LDLRAD4: variants seen among roughly 807,000 people sequenced by gnomAD.
The protein encoded by LDLRAD4 is low-density lipoprotein receptor class A domain-containing protein 4.
A neutral mutation model predicts 17.0 loss-of-function variants in LDLRAD4; 5 were observed. That is an observed-to-expected ratio of 0.29 (90% CI 0.15 to 0.62). LDLRAD4 has a LOEUF of 0.62. Among genes scored for constraint, LDLRAD4 ranks in the 20% least tolerant of loss-of-function variants. LDLRAD4 has a pLI of 0.84. For missense variants in LDLRAD4, 340 were observed against 424.7 expected (o/e 0.80, Z 1.75); for synonymous variants, 168 against 171.8 (o/e 0.98, Z 0.17).
At chr18:13,423,774 T>G (rs2089688308) in intron 2 of LDLRAD4, 1 of 152,538 alleles carries the variant, frequency 6.6e-6, no homozygotes, top group African/African-American at 2.4e-5. Flanking sequence ...TCATTGAAAT[T>G]TTATGATTTC....
At chr18:13,466,265 G>A (rs751411428) in intron 3 of LDLRAD4, among the ~76,000 whole-genome samples, 21 of 152,088 alleles carry the variant, frequency 1.4e-4, no homozygotes, top group Non-Finnish European at 2.4e-4. Flanking sequence ...GAACCCAGGA[G>A]TTCAAGACTA....
chr18:13,403,949 C>T (rs889002176), intron 2 of LDLRAD4, among the ~76,000 whole-genome samples: 3 of 152,092 alleles, frequency 2.0e-5, no homozygotes, highest in Admixed American at 6.5e-5. Flanking sequence ...CGGGGAGGCA[C>T]CCAGCCTGTA....
intron 2 of LDLRAD4, among the ~76,000 whole-genome samples, chr18:13,389,696 G>A (rs1042381508): frequency 1.3e-5 from 2 of 152,178 alleles, no homozygotes; most frequent in Non-Finnish European, 2.9e-5. Context: ...TCACCCTGCT[G>A]CACCTGATGG....
chr18:13,238,845 C>G (rs1018762768), intron 1 of LDLRAD4, among the ~76,000 whole-genome samples: 3 of 152,098 alleles, frequency 2.0e-5, no homozygotes, highest in African/African-American at 7.2e-5. Context: ...CTCAACAGCC[C>G]TAGCCCCTGT....
At chr18:13,333,710 A>T (rs986495486) in intron 1 of LDLRAD4, among the ~76,000 whole-genome samples, 2 of 152,192 alleles carry the variant, frequency 1.3e-5, no homozygotes, top group African/African-American at 4.8e-5. Flanking sequence ...AGATCAATTG[A>T]CTATTTTTAT....
chr18:13,460,864 C>T (rs1346241845), intron 3 of LDLRAD4, among the ~76,000 whole-genome samples: 1 of 152,190 alleles, frequency 6.6e-6, no homozygotes, highest in African/African-American at 2.4e-5. Context: ...TAAAATTGTT[C>T]TCCCCTTTTC....
intron 3 of LDLRAD4, among the ~76,000 whole-genome samples, chr18:13,603,387 G>A (rs79243732): frequency 0.038 from 5,778 of 152,270 alleles, 140 homozygotes; most frequent in Non-Finnish European, 0.06. Context: ...CCTTCTGAAG[G>A]GTGGTCCTCG....
chr18:13,552,506 G>A (rs1159917416), intron 3 of LDLRAD4, among the ~76,000 whole-genome samples: 2 of 152,204 alleles, frequency 1.3e-5, no homozygotes, highest in Admixed American at 1.3e-4. Context: ...TGAGGGTTCA[G>A]CTTCTGCCCA....
intron 1 of LDLRAD4, among the ~76,000 whole-genome samples, chr18:13,338,298 G>T (rs187578462): frequency 6.6e-6 from 1 of 152,228 alleles, no homozygotes; most frequent in East Asian, 1.9e-4. Context: ...TGTTTAAGGG[G>T]TCCTCCAGTA....
intron 1 of LDLRAD4, among the ~76,000 whole-genome samples, chr18:13,294,252 G>A (rs1212646802): frequency 6.6e-6 from 1 of 152,224 alleles, no homozygotes; most frequent in African/African-American, 2.4e-5. Flanking sequence ...TTCTGTCCGC[G>A]ATGAAAGGGC....
At chr18:13,293,371 A>G (rs1485022343) in intron 1 of LDLRAD4, among the ~76,000 whole-genome samples, 2 of 152,144 alleles carry the variant, frequency 1.3e-5, no homozygotes, top group Non-Finnish European at 2.9e-5. Flanking sequence ...GCAGTATTTG[A>G]CTGTGATTAT....
chr18:13,564,550 G>GA (rs2094574574), intron 3 of LDLRAD4, among the ~76,000 whole-genome samples: 1 of 107,178 alleles, frequency 9.3e-6, no homozygotes, highest in African/African-American at 3.7e-5. Flanking sequence ...TTTGAGAATG[G>GA]AAAAAGTTCA....
chr18:13,452,186 G>GCAA (rs2091876311), intron 3 of LDLRAD4, among the ~76,000 whole-genome samples: 1 of 152,172 alleles, frequency 6.6e-6, no homozygotes, highest in Non-Finnish European at 1.5e-5. Context: ...AAAGGGTTTG[G>GCAA]AGGAATCCAC....
chr18:13,362,910 A>G (rs1346991176), intron 1 of LDLRAD4, among the ~76,000 whole-genome samples: 1 of 151,738 alleles, frequency 6.6e-6, no homozygotes, highest in African/African-American at 2.4e-5. Context: ...TTTGCTTGAG[A>G]TATGAGAGCC....
intron 3 of LDLRAD4, among the ~76,000 whole-genome samples, chr18:13,478,503 T>C: frequency 6.6e-6 from 1 of 152,192 alleles, no homozygotes; most frequent in East Asian, 1.9e-4. Flanking sequence ...AATAAACAAG[T>C]GGAATTTGAA....
intron 3 of LDLRAD4, among the ~76,000 whole-genome samples, chr18:13,494,040 C>T (rs561226558): frequency 2.0e-5 from 3 of 152,326 alleles, no homozygotes; most frequent in Non-Finnish European, 4.4e-5. Context: ...TCCCACAGTG[C>T]CTCCTCCTTC....
chr18:13,307,221 T>C (rs1263444548), intron 1 of LDLRAD4, among the ~76,000 whole-genome samples: 2 of 152,122 alleles, frequency 1.3e-5, no homozygotes, highest in African/African-American at 2.4e-5. Context: ...GTGCGTGCCT[T>C]TCCTGTCCCG....
intron 1 of LDLRAD4, among the ~76,000 whole-genome samples, chr18:13,294,986 G>C (rs8097881): frequency 0.23 from 34,754 of 152,016 alleles, 4,201 homozygotes; most frequent in Middle Eastern, 0.34. Flanking sequence ...TATGCACAAG[G>C]ACTTTGTAGT....
intron 1 of LDLRAD4, among the ~76,000 whole-genome samples, chr18:13,335,074 T>C (rs1330610965): frequency 6.6e-6 from 1 of 152,222 alleles, no homozygotes; most frequent in East Asian, 1.9e-4. Context: ...TTGTCTGAGT[T>C]CTGTCATGTT....
Sources: allele counts gnomAD v4.1 joint callset (sites outside exome capture counted in the v4.1 genomes callset), GRCh38; gene constraint gnomAD v4.1.1; transcripts MANE v1.5; gene names NCBI Gene and HGNC (gene_info 2026-07-23, HGNC 2026-07-21).